Variants in LHFPL2 observed in about 807,000 individuals in gnomAD.
LHFPL2 encodes LHFPL tetraspan subfamily member 2.
Under a neutral mutation model 17.5 loss-of-function variants are expected in LHFPL2, and 7 were observed. The observed-to-expected ratio is 0.40, with a 90% CI of 0.23 to 0.75. LHFPL2 has a LOEUF of 0.75. Among genes scored for constraint, LHFPL2 ranks in the 30% least tolerant of loss-of-function variants. LHFPL2 has a pLI of 0.37. For missense variants in LHFPL2, 241 were observed against 294.8 expected, an observed-to-expected ratio of 0.82 and a Z score of 1.34; for synonymous variants, 134 against 116.2, an observed-to-expected ratio of 1.15 and a Z score of -0.99.
chr5:78,570,560 G>T (rs989016956), intron 2 of LHFPL2, among the ~76,000 whole-genome samples: 3 of 151,340 alleles, frequency 2.0e-5, no homozygotes, highest in African/African-American at 7.3e-5. Context: ...GCAATTCTGA[G>T]AAACCCTCCT....
At chr5:78,647,498 GCA>G (rs1745925769) in intron 1 of LHFPL2, among the ~76,000 whole-genome samples, 1 of 152,152 alleles carries the variant, frequency 6.6e-6, no homozygotes, top group African/African-American at 2.4e-5. Flanking sequence ...CTCGGCTCCA[GCA>G]CACACTTTCC....
intron 2 of LHFPL2, among the ~76,000 whole-genome samples, chr5:78,612,040 C>A (rs887323130): frequency 5.9e-5 from 9 of 152,110 alleles, no homozygotes; most frequent in Non-Finnish European, 1.2e-4. Flanking sequence ...TTATTTGTTT[C>A]TTCTCCCAAA....
At chr5:78,543,866 T>C (rs1046211437) in intron 3 of LHFPL2, among the ~76,000 whole-genome samples, 1 of 152,182 alleles carries the variant, frequency 6.6e-6, no homozygotes, top group African/African-American at 2.4e-5. Context: ...GCAGAGAAGA[T>C]GACTTGGGAC....
At chr5:78,569,368 G>C (rs1756937799) in intron 2 of LHFPL2, among the ~76,000 whole-genome samples, 2 of 152,150 alleles carry the variant, frequency 1.3e-5, no homozygotes, top group South Asian at 4.1e-4. Context: ...ACAAATGCTC[G>C]AGGAAGTCTG....
intron 2 of LHFPL2, among the ~76,000 whole-genome samples, chr5:78,618,638 T>C (rs1193373985): frequency 2.0e-5 from 3 of 152,238 alleles, no homozygotes; most frequent in African/African-American, 7.2e-5. Context: ...CTGCATGGCT[T>C]TCTGTGACTG....
chr5:78,522,667 G>A (rs1023410590), intron 3 of LHFPL2, among the ~76,000 whole-genome samples: 25 of 152,138 alleles, frequency 1.6e-4, no homozygotes, highest in Admixed American at 9.2e-4. Flanking sequence ...GGACAATGGG[G>A]GTGGAGAGGG....
chr5:78,611,100 C>G (rs1023489205), intron 2 of LHFPL2, among the ~76,000 whole-genome samples: 4 of 152,204 alleles, frequency 2.6e-5, no homozygotes, highest in African/African-American at 9.6e-5. Flanking sequence ...TCTTCTAAGA[C>G]AATTTTGTTT....
At chr5:78,555,915 G>A (rs746614225) in intron 3 of LHFPL2, among the ~76,000 whole-genome samples, 6 of 152,208 alleles carry the variant, frequency 3.9e-5, no homozygotes, top group Non-Finnish European at 7.3e-5. Flanking sequence ...CACTTCATGG[G>A]GTCCATGAGC....
At chr5:78,618,207 G>T (rs1261430544) in intron 2 of LHFPL2, among the ~76,000 whole-genome samples, 1 of 144,430 alleles carries the variant, frequency 6.9e-6, no homozygotes, top group East Asian at 2.0e-4. Flanking sequence ...TCTCAAAAAA[G>T]AAAAAAAAAA....
chr5:78,570,650 G>GTATATATATATATATACGTA (rs368470431), intron 2 of LHFPL2, among the ~76,000 whole-genome samples: 1 of 143,650 alleles, frequency 7.0e-6, no homozygotes, highest in African/African-American at 2.6e-5. Context: ...ATATATATAC[G>GTATATATATATATATACGTA]TATATATATA....
intron 3 of LHFPL2, among the ~76,000 whole-genome samples, chr5:78,534,085 A>G (rs1217718169): frequency 6.6e-6 from 1 of 152,216 alleles, no homozygotes; most frequent in Non-Finnish European, 1.5e-5. Context: ...GAGGAGGGAT[A>G]TGACAACAAC....
At chr5:78,561,039 AATT>A (rs1277161648) in intron 3 of LHFPL2, among the ~76,000 whole-genome samples, 4 of 152,228 alleles carry the variant, frequency 2.6e-5, no homozygotes, top group African/African-American at 9.6e-5. Flanking sequence ...TCAGCATAAA[AATT>A]ATTAATGGAA....
intron 3 of LHFPL2, among the ~76,000 whole-genome samples, chr5:78,535,264 C>T (rs2112365464): frequency 1.3e-5 from 2 of 152,294 alleles, no homozygotes; most frequent in African/African-American, 4.8e-5. Context: ...CCCACGTAGG[C>T]AGGGTCCTGG....
At chr5:78,627,495 A>T (rs550332678) in intron 2 of LHFPL2, among the ~76,000 whole-genome samples, 3 of 152,218 alleles carry the variant, frequency 2.0e-5, no homozygotes, top group Non-Finnish European at 4.4e-5. Context: ...CTTTCTCTTA[A>T]AGAAACCTTT....
At chr5:78,522,514 G>A (rs1049893103) in intron 3 of LHFPL2, among the ~76,000 whole-genome samples, 2 of 152,112 alleles carry the variant, frequency 1.3e-5, no homozygotes, top group African/African-American at 2.4e-5. Flanking sequence ...GTTAATATAC[G>A]TTTGCTGACA....
rs1580775943 is a variant in LHFPL2, at chr5:78,526,398, A to G, written c.-185-16000T>C. 2.0e-5 allele frequency among the ~76,000 whole-genome samples: 3 copies of G among 152,048 alleles called. No homozygotes were observed. In the South Asian group the frequency reaches 6.2e-4, roughly 32 times the overall value. ...GCGAATGCAACATTAAATTGAAAAC[A>G]CCTCCTAATTAGCCACTCAGAAATA... On this transcript the variant is annotated intron_variant, in intron 3 of 4. Coordinates refer to ENST00000380345, the MANE Select transcript of LHFPL2 (RefSeq NM_005779.3).
intron 3 of LHFPL2, among the ~76,000 whole-genome samples, chr5:78,548,150 C>A (rs191205407): frequency 2.1e-3 from 322 of 152,356 alleles, no homozygotes; most frequent in African/African-American, 7.1e-3. Context: ...CTGGCCAGCA[C>A]GGCTGTAGCA....
intron 2 of LHFPL2, among the ~76,000 whole-genome samples, chr5:78,610,363 G>C (rs1242444339): frequency 6.6e-6 from 1 of 152,232 alleles, no homozygotes; most frequent in Non-Finnish European, 1.5e-5. Context: ...TGGGAGAAGA[G>C]AAAAGATCCA....
intron 4 of LHFPL2, among the ~76,000 whole-genome samples, chr5:78,495,686 A>G (rs1298280064): frequency 6.6e-6 from 1 of 152,214 alleles, no homozygotes; most frequent in Non-Finnish European, 1.5e-5. Context: ...TTCCACAGCT[A>G]TGAAATATCG....
Sources: gnomAD v4.1 joint callset for allele counts (sites outside exome capture counted in the v4.1 genomes callset) on GRCh38, gnomAD v4.1.1 for gene constraint, MANE v1.5 for transcripts, NCBI Gene and HGNC (gene_info 2026-07-23, HGNC 2026-07-21) for gene names.